The following CD6 variants were observed in gnomAD, a reference collection of about 807,000 sequenced individuals.
CD6 encodes T-cell differentiation antigen CD6.
CD6 carries 53 observed loss-of-function variants against 75.3 expected under a neutral mutation model. That is an observed-to-expected ratio of 0.70 (90% CI 0.56 to 0.88). The LOEUF is 0.88. CD6 is among the 40% of genes least tolerant of loss of function. The pLI, the probability that CD6 is intolerant of heterozygous loss-of-function variation, is 0.00. For synonymous variants in CD6, 359 were observed against 381.5 expected (o/e 0.94, Z 0.69); for missense variants, 770 against 897.1 (o/e 0.86, Z 1.81).
At chr11:60,982,942 C>G (rs960138784) in intron 1 of CD6, among the ~76,000 whole-genome samples, 4 of 151,496 alleles carry the variant, frequency 2.6e-5, no homozygotes, top group African/African-American at 9.7e-5. Context: ...AGAGAGAATG[C>G]GGGGGACTGC....
At chr11:60,999,546 C>A (rs982959570) in intron 1 of CD6, among the ~76,000 whole-genome samples, 1 of 151,742 alleles carries the variant, frequency 6.6e-6, no homozygotes, top group Non-Finnish European at 1.5e-5. Flanking sequence ...ATAACATAAC[C>A]CTGTATTCTG....
In CD6 at chr11:61,017,934, G is replaced by A; in HGVS notation, c.1758G>A (p.Gln586=). 6.2e-7 allele frequency: 1 copy of A among 1,613,958 alleles called. No homozygotes were observed. The highest frequency in any genetic ancestry group is 1.1e-5 in the South Asian group (1 of 91,086). ...PKSKLPPWNP[Q]VFSSERSSFL... is the part of the protein sequence containing the mutation. ...GCAAGCTGCCTCCATGGAACCCCCA[G>A]GTGTTTTCTTCAGAGAGGAGTTCCT... The change falls in exon 11 of 13, where the codon CAG becomes CAA. Residue 586 remains glutamine, a synonymous_variant. Transcript: ENST00000313421.
At chr11:60,976,729 G>T (rs774189884) in intron 1 of CD6, among the ~76,000 whole-genome samples, 2 of 152,110 alleles carry the variant, frequency 1.3e-5, no homozygotes, top group African/African-American at 2.4e-5. Context: ...TGATGGATGC[G>T]CTTGTGCCCT....
chr11:61,011,178 CGTGTGTGT>C, intron 6 of CD6, 43 bp downstream of exon 6: 3 of 897,174 alleles, frequency 3.3e-6, no homozygotes, highest in South Asian at 1.5e-5. Flanking sequence ...GAAGCTTGGA[CGTGTGTGT>C]GTGTGTGTGT....
intron 1 of CD6, among the ~76,000 whole-genome samples, chr11:60,981,685 C>T (rs969772225): frequency 6.6e-6 from 1 of 152,182 alleles, no homozygotes; most frequent in Non-Finnish European, 1.5e-5. Context: ...ACCGGGCAGG[C>T]GCTCCCAGGG....
At chr11:61,016,702 T>A (rs1342743606) in intron 9 of CD6, among the ~76,000 whole-genome samples, 2 of 152,130 alleles carry the variant, frequency 1.3e-5, no homozygotes, top group Non-Finnish European at 2.9e-5. Flanking sequence ...GAAAACCCAC[T>A]AGCTGCAAGA....
chr11:60,995,411 C>T (rs759200384), intron 1 of CD6, among the ~76,000 whole-genome samples: 1 of 152,170 alleles, frequency 6.6e-6, no homozygotes, highest in South Asian at 2.1e-4. Flanking sequence ...TCTCAAAGTG[C>T]TGGGATTACA....
intron 9 of CD6, 131 bp from the exon 10 acceptor site, chr11:61,017,348 C>G (rs1313622069): frequency 5.9e-6 from 4 of 680,570 alleles, no homozygotes; most frequent in Non-Finnish European, 1.0e-5. Flanking sequence ...ATGCTAAGCC[C>G]TCTCTGCCTC....
intron 1 of CD6, among the ~76,000 whole-genome samples, chr11:60,992,037 G>A (rs1420150660): frequency 1.3e-5 from 2 of 151,996 alleles, no homozygotes; most frequent in Admixed American, 1.3e-4. Context: ...ACACCACCAT[G>A]TCCAGCTAAT....
chr11:61,018,124 C>T, intron 11 of CD6, 111 bp downstream of exon 11: 2 of 1,408,830 alleles, frequency 1.4e-6, no homozygotes, highest in Non-Finnish European at 1.9e-6. Context: ...AGTTCCGCAG[C>T]CATTCGCTGT....
intron 5 of CD6, among the ~76,000 whole-genome samples, chr11:61,010,109 T>C (rs910555217): frequency 1.3e-5 from 2 of 152,228 alleles, no homozygotes; most frequent in Non-Finnish European, 2.9e-5. Context: ...CATTATATGC[T>C]AAGCAATGGT....
chr11:60,993,325 T>C (rs1163046175), intron 1 of CD6, among the ~76,000 whole-genome samples: 1 of 112,812 alleles, frequency 8.9e-6, no homozygotes, highest in Non-Finnish European at 2.3e-5. Flanking sequence ...AGAACCAGAA[T>C]CACCCCCTTG....
Position 61,013,329 on chromosome 11 carries a change from A to G in CD6, c.1151-94A>G, listed in dbSNP as rs1255705557. On this transcript the variant is annotated intron_variant, in intron 6 of 12. Coordinates refer to ENST00000313421, the MANE Select transcript of CD6 (RefSeq NM_006725.5). ...AAGCAAGGAGGAAGATAACATAAAA[A>G]GGGAAGCAGGTCAGCTTTACAGAGA... is the stretch of plus-strand genomic sequence containing the variant. The G allele has an allele frequency of 2.9e-6, 4 of 1,393,966 alleles. No homozygotes were observed. The African/African-American group carries it at 5.8e-5, about 20-fold the overall frequency. The allele number at this position is 1,393,966 out of a possible 1,614,324, so 86.3% of individuals were successfully genotyped here.
intron 1 of CD6, among the ~76,000 whole-genome samples, chr11:60,993,248 T>C (rs1485655926): frequency 2.7e-5 from 4 of 147,394 alleles, no homozygotes; most frequent in Non-Finnish European, 6.1e-5. Context: ...AAGTTGAGAG[T>C]CTGCAGCAGC....
chr11:60,992,887 C>T (rs538022323), intron 1 of CD6, among the ~76,000 whole-genome samples: 13 of 151,852 alleles, frequency 8.6e-5, no homozygotes, highest in African/African-American at 3.1e-4. Flanking sequence ...AAAAGAAGCA[C>T]CTGAATATTC....
intron 1 of CD6, among the ~76,000 whole-genome samples, chr11:60,982,059 C>T (rs1857578809): frequency 1.3e-5 from 1 of 77,676 alleles, no homozygotes; most frequent in South Asian, 5.9e-4. Flanking sequence ...CCAGCAGATG[C>T]CAGGGTGGCG....
chr11:60,979,338 C>T (rs11230543), intron 1 of CD6, among the ~76,000 whole-genome samples: 11,731 of 152,232 alleles, frequency 0.077, 616 homozygotes, highest in Non-Finnish European at 0.12. Context: ...CATCATGGCA[C>T]GCCCTCATGG....
Position 61,007,738 on chromosome 11 carries a change from G to T in CD6, c.297G>T (p.Pro99=), listed in dbSNP as rs1047913038. ...CGGAGGCCGCCTCTCAGCTCGCCCC[G>T]CCGACCCCTGAGCTGCCGCCCCCGC... ...GGAEAASQLA[P]PTPELPPPPA... The change falls in exon 3 of 13, where the codon CCG becomes CCT. Residue 99 remains proline (P), a synonymous_variant. Coordinates refer to ENST00000313421, the MANE Select transcript of CD6 (RefSeq NM_006725.5). The surrounding 1 kb of genome is among the most constrained non-coding windows in gnomAD (Gnocchi z 4.2). 4 of 1,420,078 alleles carry T rather than the reference G, an allele frequency of 2.8e-6. No individual in the cohort carries two copies. The South Asian group carries it at 6.0e-5, about 21-fold the overall frequency. 88.0% of individuals were successfully genotyped at this position (1,420,078 alleles called of 1,614,324 possible).
intron 1 of CD6, among the ~76,000 whole-genome samples, chr11:60,978,678 C>T (rs1446920702): frequency 6.6e-6 from 1 of 152,184 alleles, no homozygotes; most frequent in Non-Finnish European, 1.5e-5. Context: ...GACCCAGCCA[C>T]TAGACACTTA....
Sources: allele counts gnomAD v4.1 joint callset (sites outside exome capture counted in the v4.1 genomes callset), GRCh38; gene constraint gnomAD v4.1.1; non-coding constraint Gnocchi (gnomAD v3.1); transcripts MANE v1.5; gene names NCBI Gene and HGNC (gene_info 2026-07-23, HGNC 2026-07-21).